The following PRDM5 variants were observed in gnomAD, a reference collection of about 807,000 sequenced individuals.
PRDM5 encodes the protein PR domain zinc finger protein 5.
PRDM5 carries 56 observed loss-of-function variants against 81.2 expected under a neutral mutation model. That is an observed-to-expected ratio of 0.69 (90% CI 0.56 to 0.86). The LOEUF is 0.86. PRDM5 is among the 40% of genes least tolerant of loss of function. The probability of loss-of-function intolerance (pLI) is 0.00; values close to 1 mark genes in which losing one functional copy is unlikely to be tolerated. For synonymous variants in PRDM5, 267 were observed against 256.4 expected, an observed-to-expected ratio of 1.04 and a Z score of -0.39; for missense variants, 697 against 770.1, an observed-to-expected ratio of 0.91 and a Z score of 1.12.
chr4:120,863,625 A>G (rs1415912756), intron 2 of PRDM5, among the ~76,000 whole-genome samples: 1 of 152,206 alleles, frequency 6.6e-6, no homozygotes, highest in African/African-American at 2.4e-5. Context: ...GAGAAAAATC[A>G]AAGAAAGAAA....
At chr4:120,714,791 G>A (rs1057174014) in intron 14 of PRDM5, among the ~76,000 whole-genome samples, 2 of 152,114 alleles carry the variant, frequency 1.3e-5, no homozygotes, top group South Asian at 2.1e-4. Flanking sequence ...CAGCATTTGT[G>A]TTTGCTGCTG....
intron 10 of PRDM5, among the ~76,000 whole-genome samples, chr4:120,793,112 C>A (rs1578754303): frequency 6.6e-6 from 1 of 152,136 alleles, no homozygotes; most frequent in Non-Finnish European, 1.5e-5. Context: ...GAGTGGCGGG[C>A]AAGTGAGTGA....
chr4:120,893,605 T>C (rs1461583612), intron 2 of PRDM5, among the ~76,000 whole-genome samples: 2 of 152,230 alleles, frequency 1.3e-5, no homozygotes, highest in African/African-American at 2.4e-5. Flanking sequence ...TTTGTATTAA[T>C]TGTATTGATT....
At chr4:120,698,127 A>T (rs1445878637) in intron 15 of PRDM5, among the ~76,000 whole-genome samples, 1 of 151,554 alleles carries the variant, frequency 6.6e-6, no homozygotes, top group Non-Finnish European at 1.5e-5. Flanking sequence ...TTTGGAATGA[A>T]AAAATGCAGT....
At chr4:120,839,615 A>G (rs548318780) in intron 3 of PRDM5, among the ~76,000 whole-genome samples, 1 of 152,234 alleles carries the variant, frequency 6.6e-6, no homozygotes, top group Non-Finnish European at 1.5e-5. Flanking sequence ...AGGCCCAGAA[A>G]AGGCACCACA....
At position 120,821,308 on chromosome 4, in the gene PRDM5, A is replaced by G. The variant is rs899814379; in HGVS notation, c.338T>C (p.Ile113Thr). The change falls in exon 4 of 16, where the codon ATA becomes ACA. Residue 113 changes from isoleucine to threonine, a missense_variant. Around this residue, in one of 3 missense-constraint regions of PRDM5, gnomAD observed 577 missense variants for 606.7 expected, o/e 0.95. Transcript: ENST00000264808. ...AATCAGAAGCTCCGTGTCTGTTTCT[A>G]TATCTTCAACTGCCAAATAGAAAAT... is the stretch of plus-strand genomic sequence containing the variant. ...ENIFYLAVED[I>T]ETDTELLIGY... The G allele has an allele frequency of 1.2e-6, 2 of 1,613,928 alleles. No individual in the cohort carries two copies. Among genetic ancestry groups the G allele is most frequent in the Non-Finnish European group, 1.7e-6 (2 of 1,180,010 alleles).
chr4:120,765,985 A>C (rs1746328687), intron 13 of PRDM5, among the ~76,000 whole-genome samples: 1 of 142,310 alleles, frequency 7.0e-6, no homozygotes, highest in African/African-American at 2.6e-5. Flanking sequence ...TTTTAGACAG[A>C]GTTTCACTCT....
intron 12 of PRDM5, among the ~76,000 whole-genome samples, chr4:120,780,762 A>G (rs560241068): frequency 2.0e-5 from 3 of 152,296 alleles, no homozygotes; most frequent in Admixed American, 6.5e-5. Context: ...GCCAATAAAC[A>G]TAAGAATTCA....
chr4:120,742,309 TA>T (rs1742154994), intron 14 of PRDM5, among the ~76,000 whole-genome samples: 1 of 152,080 alleles, frequency 6.6e-6, no homozygotes, highest in Non-Finnish European at 1.5e-5. Context: ...CAAAGGTAGA[TA>T]AAACCACAAA....
intron 3 of PRDM5, among the ~76,000 whole-genome samples, chr4:120,825,448 C>CG (rs1193911127): frequency 6.6e-6 from 1 of 151,914 alleles, no homozygotes; most frequent in Non-Finnish European, 1.5e-5. Flanking sequence ...AAATATAAGA[C>CG]ATCCAGCTCA....
chr4:120,689,186 A>G (rs1385295485), downstream of PRDM5, among the ~76,000 whole-genome samples: 1 of 152,196 alleles, frequency 6.6e-6, no homozygotes, highest in Non-Finnish European at 1.5e-5. Flanking sequence ...CTAAATTTGT[A>G]GACCCCAATT....
chr4:120,840,489 G>A (rs1757898530), intron 3 of PRDM5, among the ~76,000 whole-genome samples: 2 of 152,114 alleles, frequency 1.3e-5, no homozygotes, highest in Admixed American at 6.5e-5. Flanking sequence ...CCCTCAGCAG[G>A]GTGGGTACAG....
intron 10 of PRDM5, among the ~76,000 whole-genome samples, chr4:120,793,037 A>G (rs1416561256): frequency 6.6e-6 from 1 of 152,230 alleles, no homozygotes. Flanking sequence ...CTGCTACAGC[A>G]GGATTATCCA....
chr4:120,859,649 G>T (rs1005050327), intron 2 of PRDM5, among the ~76,000 whole-genome samples: 5 of 152,094 alleles, frequency 3.3e-5, no homozygotes, highest in African/African-American at 1.2e-4. Context: ...ATATTATAAG[G>T]TAGTAGCAAA....
intron 1 of PRDM5, among the ~76,000 whole-genome samples, chr4:120,912,310 C>T (rs1359671611): frequency 6.6e-6 from 1 of 152,112 alleles, no homozygotes; most frequent in East Asian, 1.9e-4. Context: ...TGTTATGCAG[C>T]ACAAATAAAC....
At chr4:120,823,219 A>G (rs980089374) in intron 3 of PRDM5, among the ~76,000 whole-genome samples, 1 of 152,210 alleles carries the variant, frequency 6.6e-6, no homozygotes, top group Non-Finnish European at 1.5e-5. Context: ...TGATAGCACC[A>G]AGGAAAGATA....
At chr4:120,819,436 C>CCATGGCA (rs11278839) in intron 4 of PRDM5, among the ~76,000 whole-genome samples, 2 of 151,424 alleles carry the variant, frequency 1.3e-5, no homozygotes, top group Non-Finnish European at 3.0e-5. Flanking sequence ...ATAAAAATAG[C>CCATGGCA]CATGGCACAT....
At chr4:120,699,100 G>C (rs1326028052) in intron 15 of PRDM5, among the ~76,000 whole-genome samples, 1 of 138,752 alleles carries the variant, frequency 7.2e-6, no homozygotes, top group Non-Finnish European at 1.5e-5. Context: ...TTTTAAGATG[G>C]GATACATATT....
At chr4:120,713,809 G>C (rs1737357020) in intron 14 of PRDM5, among the ~76,000 whole-genome samples, 1 of 152,140 alleles carries the variant, frequency 6.6e-6, no homozygotes, top group Admixed American at 6.6e-5. Flanking sequence ...ATAAACAACA[G>C]ACATTTATTT....
Sources: allele counts gnomAD v4.1 joint callset (sites outside exome capture counted in the v4.1 genomes callset), GRCh38; gene constraint gnomAD v4.1.1; regional missense constraint gnomAD v4.1.1; transcripts MANE v1.5; gene names NCBI Gene and HGNC (gene_info 2026-07-23, HGNC 2026-07-21).